OR56A3: variants seen among roughly 807,000 people sequenced by gnomAD.
OR56A3 encodes olfactory receptor 56A3.
Under a neutral mutation model 17.5 loss-of-function variants are expected in OR56A3, and 23 were observed. The observed-to-expected ratio is 1.32, with a 90% CI of 0.95 to 1.87. The LOEUF (loss-of-function observed/expected upper bound fraction) is 1.87, where lower values mean the gene tolerates loss of function less well. OR56A3 is among the 40% of genes most tolerant of loss of function. The pLI is 0.00. For synonymous variants in OR56A3, 175 were observed against 150.6 expected, an observed-to-expected ratio of 1.16 and a Z score of -1.19; for missense variants, 366 against 380.1, an observed-to-expected ratio of 0.96 and a Z score of 0.31.
At chr11:5,968,268 A>G in the OR56A3 span, 1 of 1,613,442 alleles carries the variant, frequency 6.2e-7, no homozygotes, top group Non-Finnish European at 8.5e-7. Context: ...GGTGAGGCAG[A>G]GTACGATGTC....
the OR56A3 span, chr11:5,987,112 T>C: frequency 3.2e-6 from 2 of 617,622 alleles, no homozygotes; most frequent in Non-Finnish European, 5.6e-6. Context: ...TAATACAAGC[T>C]TAGTTTTGTT....
At chr11:6,014,373 G>T in the OR56A3 span, among the ~76,000 whole-genome samples, 3 of 152,160 alleles carry the variant, frequency 2.0e-5, no homozygotes, top group Admixed American at 2.0e-4. Flanking sequence ...CATCCTCCGG[G>T]TGCTGCTCTC....
chr11:6,001,281 C>T, the OR56A3 span: 6 of 152,136 alleles, frequency 3.9e-5, no homozygotes, highest in Admixed American at 2.0e-4. Context: ...AGGATTATAA[C>T]GACATGAAGA....
At chr11:5,956,014 C>T (rs947532756), downstream of OR56A3, among the ~76,000 whole-genome samples, 2 of 152,196 alleles carry the variant, frequency 1.3e-5, no homozygotes, top group African/African-American at 4.8e-5. Flanking sequence ...AGTATATCAA[C>T]TGTGGAAACA....
rs1847894517 is a variant in OR56A3 at position 5,949,291 on chromosome 11, C to T, written c.*997C>T. The T allele has an allele frequency of 6.6e-6, 1 of 152,172 alleles. No homozygotes were observed. Among genetic ancestry groups the T allele is most frequent in the African/African-American group, 2.4e-5 (1 of 41,438 alleles). The allele number at this position is 152,172 out of a possible 1,614,324, so 9.4% of individuals were successfully genotyped here. A position where few individuals can be genotyped will look rare whatever the true frequency, so the allele number is the denominator to read the frequency against. On this transcript the variant is annotated 3_prime_UTR_variant, in exon 3 of 3. Transcript: ENST00000641160. ...AAATACAAATATGCACTCCAGAACACATTCTTCTAAACTGTAGAGCAGTGA... is the reference window on the plus strand; with the variant it reads ...AAATACAAATATGCACTCCAGAACATATTCTTCTAAACTGTAGAGCAGTGA...
chr11:6,002,033 A>C, the OR56A3 span: 1 of 1,539,164 alleles, frequency 6.5e-7, no homozygotes, highest in Non-Finnish European at 8.7e-7. Context: ...CTAAAGGTGG[A>C]TCTAATCCTT....
the OR56A3 span, chr11:5,968,551 G>T: frequency 8.3e-7 from 1 of 1,205,634 alleles, no homozygotes. Context: ...TAAGACACAG[G>T]AATTAGAAAT....
chr11:5,983,201 C>T, the OR56A3 span, among the ~76,000 whole-genome samples: 1 of 152,084 alleles, frequency 6.6e-6, no homozygotes, highest in Non-Finnish European at 1.5e-5. Context: ...GATTTTACAA[C>T]TTTACTCTTT....
chr11:6,017,511 A>G, the OR56A3 span, among the ~76,000 whole-genome samples: 1 of 152,200 alleles, frequency 6.6e-6, no homozygotes, highest in Non-Finnish European at 1.5e-5. Flanking sequence ...ATAGAATGCT[A>G]TGTTCAAAAT....
At chr11:5,994,336 TCTC>T in the OR56A3 span, 1 of 679,770 alleles carries the variant, frequency 1.5e-6, no homozygotes, top group Admixed American at 1.8e-5. Context: ...ACTGTGGTGC[TCTC>T]CTCAATCTGC....
At chr11:5,975,049 A>G in the OR56A3 span, among the ~76,000 whole-genome samples, 1 of 152,176 alleles carries the variant, frequency 6.6e-6, no homozygotes, top group Admixed American at 6.5e-5. Context: ...TCTACCTCTT[A>G]TGCCTGTTTA....
At chr11:5,963,741 T>C in the OR56A3 span, among the ~76,000 whole-genome samples, 1 of 152,168 alleles carries the variant, frequency 6.6e-6, no homozygotes, top group Admixed American at 6.5e-5. Context: ...TATCTTTCCC[T>C]GGGTTTGGAA....
the OR56A3 span, among the ~76,000 whole-genome samples, chr11:5,974,286 T>A: frequency 6.6e-6 from 1 of 152,106 alleles, no homozygotes; most frequent in Admixed American, 6.6e-5. Flanking sequence ...TTTGTATTTT[T>A]AATAGAGACG....
chr11:6,000,638 T>G, the OR56A3 span: 1 of 151,906 alleles, frequency 6.6e-6, no homozygotes, highest in Non-Finnish European at 1.5e-5. Flanking sequence ...TAAAAAAACC[T>G]GGTAGGAAAG....
the OR56A3 span, chr11:6,000,812 G>A: frequency 6.6e-6 from 1 of 152,294 alleles, no homozygotes; most frequent in African/African-American, 2.4e-5. Context: ...TAAGTCGAAA[G>A]TATGTTAGGG....
chr11:5,984,673 C>T, the OR56A3 span, among the ~76,000 whole-genome samples: 593 of 152,248 alleles, frequency 3.9e-3, 2 homozygotes, highest in African/African-American at 0.014. Flanking sequence ...CATACCAGTC[C>T]TCCCTAATTC....
the OR56A3 span, among the ~76,000 whole-genome samples, chr11:5,975,821 C>G: frequency 2.0e-5 from 3 of 152,148 alleles, no homozygotes; most frequent in African/African-American, 7.2e-5. Context: ...TACAGTCTCA[C>G]CAACAGTGTA....
the OR56A3 span, among the ~76,000 whole-genome samples, chr11:6,013,396 G>C: frequency 6.6e-6 from 1 of 152,182 alleles, no homozygotes; most frequent in Non-Finnish European, 1.5e-5. Context: ...TTGTTGGGGG[G>C]ATCCTCCAGG....
the OR56A3 span, among the ~76,000 whole-genome samples, chr11:6,005,259 G>T: frequency 6.6e-6 from 1 of 151,934 alleles, no homozygotes; most frequent in African/African-American, 2.4e-5. Flanking sequence ...GAGCATCAAA[G>T]GACAAAAAAA....
Sources: allele counts gnomAD v4.1 joint callset (sites outside exome capture counted in the v4.1 genomes callset), GRCh38; gene constraint gnomAD v4.1.1; transcripts MANE v1.5; gene names NCBI Gene and HGNC (gene_info 2026-07-23, HGNC 2026-07-21).